Variants in SUGCT observed in about 807,000 individuals in gnomAD.
The protein encoded by SUGCT is succinyl-CoA:glutarate CoA-transferase.
A neutral mutation model predicts 55.0 loss-of-function variants in SUGCT; 41 were observed. The observed-to-expected ratio is 0.74, with a 90% CI of 0.58 to 0.97. SUGCT has a LOEUF of 0.97. Among genes scored for constraint, SUGCT ranks in the 50% least tolerant of loss-of-function variants. The pLI, the probability that SUGCT is intolerant of heterozygous loss-of-function variation, is 0.00. For synonymous variants in SUGCT, 187 were observed against 200.4 expected, an observed-to-expected ratio of 0.93 and a Z score of 0.56; for missense variants, 568 against 547.8, an observed-to-expected ratio of 1.04 and a Z score of -0.37.
chr7:40,209,016 A>G (rs1562578194), intron 6 of SUGCT, among the ~76,000 whole-genome samples: 1 of 152,188 alleles, frequency 6.6e-6, no homozygotes. Context: ...ACATCTTCAG[A>G]TTCTTACTGC....
intron 11 of SUGCT, among the ~76,000 whole-genome samples, chr7:40,472,526 C>CT (rs1407005734): frequency 6.6e-6 from 1 of 152,094 alleles, no homozygotes; most frequent in African/African-American, 2.4e-5. Context: ...TGTTTCACAT[C>CT]TTTATATTTC....
At chr7:40,946,979 T>C in the SUGCT span, among the ~76,000 whole-genome samples, 2 of 152,204 alleles carry the variant, frequency 1.3e-5, no homozygotes, top group Non-Finnish European at 2.9e-5. Flanking sequence ...AGTTGAACTT[T>C]TTGGATGTGT....
intron 1 of SUGCT, among the ~76,000 whole-genome samples, chr7:40,157,682 TC>T (rs774703557): frequency 3.5e-4 from 54 of 152,216 alleles, no homozygotes; most frequent in Non-Finnish European, 1.2e-4. Flanking sequence ...ATATCAGTTT[TC>T]CTTATAGAGG....
At position 40,381,459 on chromosome 7, in the gene SUGCT, A is replaced by G. The variant is rs140044783; in HGVS notation, c.816+64604A>G. 1.5e-3 allele frequency among the ~76,000 whole-genome samples: 62 copies of G among 41,114 alleles called. 2 individuals are homozygous for G. In the East Asian group the frequency reaches 0.045, roughly 30 times the overall value. 27.0% of individuals were successfully genotyped at this position (41,114 alleles called of 152,430 possible). ...ACTTTTATAATTTTATGTTCTTTAAAACTCCAATCTTAAAAGTCTTCAGAG... is the reference window on the plus strand; with the variant it reads ...ACTTTTATAATTTTATGTTCTTTAAGACTCCAATCTTAAAAGTCTTCAGAG... On this transcript the variant is annotated intron_variant, in intron 9 of 13. Transcript: ENST00000335693.
intron 13 of SUGCT, among the ~76,000 whole-genome samples, chr7:40,850,895 C>T (rs1471734729): frequency 6.6e-6 from 1 of 152,170 alleles, no homozygotes; most frequent in Non-Finnish European, 1.5e-5. Context: ...TGAGAGGTAT[C>T]TAAGTTGCTA....
the SUGCT span, among the ~76,000 whole-genome samples, chr7:40,892,324 G>A: frequency 5.3e-5 from 8 of 152,022 alleles, no homozygotes; most frequent in South Asian, 4.2e-4. Context: ...TAAGCCTCAC[G>A]ATAACCACAA....
intron 12 of SUGCT, among the ~76,000 whole-genome samples, chr7:40,713,882 G>T (rs77426535): frequency 6.6e-6 from 1 of 152,032 alleles, no homozygotes; most frequent in African/African-American, 2.4e-5. Context: ...TAACCCTTTT[G>T]GAAAAGAGGC....
chr7:40,928,668 C>T, the SUGCT span, among the ~76,000 whole-genome samples: 1 of 150,394 alleles, frequency 6.6e-6, no homozygotes, highest in Non-Finnish European at 1.5e-5. Flanking sequence ...GGCGTGATCT[C>T]GGCTCACTAC....
intron 7 of SUGCT, among the ~76,000 whole-genome samples, chr7:40,251,330 G>C (rs920722417): frequency 8.5e-5 from 13 of 152,230 alleles, no homozygotes; most frequent in African/African-American, 3.1e-4. Context: ...AGTGCTGTCA[G>C]GTACTTTTAC....
rs568455837 is a variant in SUGCT at position 40,440,463 on chromosome 7, G to T, written c.817-8824G>T. ...GGAATGAGCCATTGCACCCAGCCAA[G>T]TTTTTATCCACAGTTCAGACTTTCA... On this transcript the variant is annotated intron_variant, in intron 9 of 13. Transcript: ENST00000335693. Among the ~76,000 whole-genome samples, 16 of 152,086 alleles carry T rather than the reference G, an allele frequency of 1.1e-4. No individual in the cohort carries two copies. The South Asian group carries it at 3.3e-3, about 32-fold the overall frequency.
intron 12 of SUGCT, among the ~76,000 whole-genome samples, chr7:40,526,916 G>T (rs1793828293): frequency 6.6e-6 from 1 of 152,110 alleles, no homozygotes; most frequent in African/African-American, 2.4e-5. Flanking sequence ...ACATTATGAT[G>T]ATGTTCGGGT....
the SUGCT span, among the ~76,000 whole-genome samples, chr7:40,999,058 C>G: frequency 5.9e-5 from 9 of 152,250 alleles, no homozygotes; most frequent in East Asian, 1.7e-3. Context: ...TGCAGTGTGG[C>G]ACAACAGAGA....
chr7:40,544,552 A>C lies in SUGCT; in HGVS notation c.1089+48166A>C, dbSNP rs1794890523. On this transcript the variant is annotated intron_variant, in intron 12 of 13. Coordinates refer to ENST00000335693, the MANE Select transcript of SUGCT (RefSeq NM_001193313.2). Reference sequence around the variant, plus strand: ...CACATTCTCTTCTTTTTGTAGGGAAAGTGTTGTAATACTCTATCGCTTGTG... The same window carrying C: ...CACATTCTCTTCTTTTTGTAGGGAACGTGTTGTAATACTCTATCGCTTGTG... Among the ~76,000 whole-genome samples the C allele has an allele frequency of 2.6e-5, 4 of 152,272 alleles. No homozygotes were observed. The South Asian group carries it at 8.3e-4, about 32-fold the overall frequency.
chr7:40,340,200 A>G (rs1796970283), intron 9 of SUGCT, among the ~76,000 whole-genome samples: 1 of 152,208 alleles, frequency 6.6e-6, no homozygotes, highest in Non-Finnish European at 1.5e-5. Flanking sequence ...AAGATTGTGC[A>G]TAAGTATCTG....
At chr7:40,286,696 G>A (rs1352717242) in intron 8 of SUGCT, among the ~76,000 whole-genome samples, 1 of 152,132 alleles carries the variant, frequency 6.6e-6, no homozygotes, top group Admixed American at 6.5e-5. Context: ...AGTTGTGATT[G>A]GTACTAAATC....
At chr7:40,914,608 C>T in the SUGCT span, among the ~76,000 whole-genome samples, 203 of 152,162 alleles carry the variant, frequency 1.3e-3, no homozygotes, top group African/African-American at 4.6e-3. Context: ...AATATGAAAA[C>T]GCTAGGCTGA....
chr7:40,890,697 A>T, the SUGCT span, among the ~76,000 whole-genome samples: 2 of 152,208 alleles, frequency 1.3e-5, no homozygotes, highest in Non-Finnish European at 2.9e-5. Flanking sequence ...TTCCCTGGTG[A>T]AGATGGTCTG....
intron 9 of SUGCT, among the ~76,000 whole-genome samples, chr7:40,445,482 G>A (rs1243046611): frequency 2.0e-5 from 3 of 152,064 alleles, no homozygotes; most frequent in African/African-American, 7.2e-5. Context: ...CCAATATCAG[G>A]CTCCGAAATT....
chr7:40,358,628 C>T (rs1407039774), intron 9 of SUGCT, among the ~76,000 whole-genome samples: 5 of 152,114 alleles, frequency 3.3e-5, no homozygotes, highest in South Asian at 2.1e-4. Flanking sequence ...GCAGGAGAAT[C>T]GCTTGAACCC....
Sources: allele counts gnomAD v4.1 joint callset (sites outside exome capture counted in the v4.1 genomes callset), GRCh38; gene constraint gnomAD v4.1.1; transcripts MANE v1.5; gene names NCBI Gene and HGNC (gene_info 2026-07-23, HGNC 2026-07-21).